PTPRG: variants seen among roughly 807,000 people sequenced by gnomAD.
PTPRG encodes receptor-type tyrosine-protein phosphatase gamma.
Under a neutral mutation model 165.3 loss-of-function variants are expected in PTPRG, and 102 were observed. That is an observed-to-expected ratio of 0.62 (90% CI 0.53 to 0.73). The LOEUF (loss-of-function observed/expected upper bound fraction) is 0.73, where lower values mean the gene tolerates loss of function less well. Ranked by LOEUF, PTPRG falls within the 30% of genes least tolerant of loss-of-function variation. The probability of loss-of-function intolerance (pLI) is 0.00; values close to 1 mark genes in which losing one functional copy is unlikely to be tolerated. For missense variants in PTPRG, 1,866 were observed against 1,861.4 expected (o/e 1.00, Z -0.05); for synonymous variants, 675 against 669.5 (o/e 1.01, Z -0.13).
intron 1 of PTPRG, among the ~76,000 whole-genome samples, chr3:61,595,910 T>A (rs966215493): frequency 2.0e-5 from 3 of 152,200 alleles, no homozygotes; most frequent in Non-Finnish European, 2.9e-5. Flanking sequence ...ACCATTGTGT[T>A]TTTTTAGCAA....
At chr3:62,230,156 C>G (rs149996208) in intron 13 of PTPRG, among the ~76,000 whole-genome samples, 1 of 152,316 alleles carries the variant, frequency 6.6e-6, no homozygotes, top group East Asian at 1.9e-4. Flanking sequence ...CCAAGTTTGA[C>G]TTCTCCAAGT....
At chr3:62,150,161 A>T (rs1456443947) in intron 6 of PTPRG, among the ~76,000 whole-genome samples, 1 of 152,220 alleles carries the variant, frequency 6.6e-6, no homozygotes, top group Admixed American at 6.5e-5. Flanking sequence ...TAAGTTTGCT[A>T]ACAGCTGCAG....
intron 5 of PTPRG, among the ~76,000 whole-genome samples, chr3:62,112,199 G>A (rs1350306226): frequency 2.0e-5 from 3 of 152,130 alleles, no homozygotes; most frequent in Admixed American, 1.3e-4. Flanking sequence ...CTGCCTCCCA[G>A]ATTCAAGTGA....
At chr3:62,242,347 T>C (rs1420738405) in intron 14 of PTPRG, among the ~76,000 whole-genome samples, 3 of 152,224 alleles carry the variant, frequency 2.0e-5, no homozygotes, top group Non-Finnish European at 4.4e-5. Context: ...CTCATTTTTC[T>C]TCAGTGCTCT....
At chr3:61,862,750 A>G (rs926067498) in intron 2 of PTPRG, among the ~76,000 whole-genome samples, 2 of 152,000 alleles carry the variant, frequency 1.3e-5, no homozygotes, top group Non-Finnish European at 2.9e-5. Flanking sequence ...ACTCTTCTGG[A>G]CTTTGTTTTC....
At chr3:62,290,235 A>G (rs996618464) in intron 28 of PTPRG, among the ~76,000 whole-genome samples, 2 of 152,170 alleles carry the variant, frequency 1.3e-5, no homozygotes, top group African/African-American at 4.8e-5. Flanking sequence ...TGGAGAAAAG[A>G]CATTGTGTTC....
chr3:61,741,377 G>A (rs2032977512), intron 1 of PTPRG, among the ~76,000 whole-genome samples: 1 of 152,150 alleles, frequency 6.6e-6, no homozygotes, highest in Admixed American at 6.5e-5. Flanking sequence ...CTGTATATGA[G>A]AACCACCCAC....
Position 62,271,664 on chromosome 3 carries a change from A to G in PTPRG, c.3182+109A>G. On this transcript the variant is annotated intron_variant, in intron 21 of 29. Transcript: ENST00000474889. This position sits in a 1 kb window ranked among gnomAD's most constrained non-coding sequence, Gnocchi z 4.1. Reference sequence around the variant, plus strand: ...CTTTCACTTAGAAGCTGAATCTTCCACTGGAAACTGGGATGGATAAGACCT... The same window carrying G: ...CTTTCACTTAGAAGCTGAATCTTCCGCTGGAAACTGGGATGGATAAGACCT... 1.0e-6 allele frequency: 1 copy of G among 993,794 alleles called. No homozygotes were observed. Among genetic ancestry groups the G allele is most frequent in the Non-Finnish European group, 1.4e-6 (1 of 692,884 alleles). 61.6% of individuals were successfully genotyped at this position (993,794 alleles called of 1,614,324 possible). A position where few individuals can be genotyped will look rare whatever the true frequency, so the allele number is the denominator to read the frequency against.
At chr3:61,819,135 A>G (rs931933441) in intron 2 of PTPRG, among the ~76,000 whole-genome samples, 1 of 152,184 alleles carries the variant, frequency 6.6e-6, no homozygotes, top group South Asian at 2.1e-4. Context: ...CCAAAAAGAC[A>G]ATGGAGTATC....
rs76356386 is a variant in PTPRG, at chr3:61,836,231, T to C, written c.190+87249T>C. ...CTTCTCTTTCCAAACCATTGTTCTT[T>C]GTTTAGGCCTTTGTTATAGAACATA... is the stretch of plus-strand genomic sequence containing the variant. On this transcript the variant is annotated intron_variant, in intron 2 of 29. Transcript: ENST00000474889. 9.2e-5 allele frequency among the ~76,000 whole-genome samples: 14 copies of C among 152,276 alleles called. 1 individual carries two copies. The East Asian group carries it at 2.7e-3, about 29-fold the overall frequency.
chr3:62,101,381 A>G (rs146749717), intron 5 of PTPRG, among the ~76,000 whole-genome samples: 1 of 152,394 alleles, frequency 6.6e-6, no homozygotes, highest in Non-Finnish European at 1.5e-5. Context: ...CCGACAGGCC[A>G]TCACATTGTG....
intron 1 of PTPRG, among the ~76,000 whole-genome samples, chr3:61,620,700 C>T (rs1701424996): frequency 6.6e-6 from 1 of 151,902 alleles, no homozygotes; most frequent in South Asian, 2.1e-4. Context: ...GCGATTTTGG[C>T]TCACTGCAAC....
At chr3:61,674,699 T>C (rs1703163157) in intron 1 of PTPRG, among the ~76,000 whole-genome samples, 1 of 151,976 alleles carries the variant, frequency 6.6e-6, no homozygotes, top group African/African-American at 2.4e-5. Flanking sequence ...CCTTTCTCTT[T>C]GTAACTTTAA....
At chr3:62,151,502 G>A (rs1030597256) in intron 6 of PTPRG, among the ~76,000 whole-genome samples, 1 of 151,654 alleles carries the variant, frequency 6.6e-6, no homozygotes, top group African/African-American at 2.4e-5. Flanking sequence ...TAGCATCGCT[G>A]TTCCTCATCT....
intron 1 of PTPRG, among the ~76,000 whole-genome samples, chr3:61,721,822 CTGGAGATCCAGAAGTAGTG>C (rs918034300): frequency 6.6e-5 from 10 of 152,282 alleles, no homozygotes; most frequent in Admixed American, 1.3e-4. Flanking sequence ...AGTATAAATA[CTGGAGATCCAGAAGTAGTG>C]TATTTCCAGA....
intron 3 of PTPRG, among the ~76,000 whole-genome samples, chr3:62,002,123 G>C (rs2041185310): frequency 6.6e-6 from 1 of 152,146 alleles, no homozygotes; most frequent in African/African-American, 2.4e-5. Flanking sequence ...GCAATAAAAA[G>C]GGATTTATAT....
intron 2 of PTPRG, among the ~76,000 whole-genome samples, chr3:61,806,617 A>G (rs967315951): frequency 6.6e-6 from 1 of 152,166 alleles, no homozygotes; most frequent in Non-Finnish European, 1.5e-5. Flanking sequence ...ATTATCTAAA[A>G]TATGTGATAG....
At chr3:61,851,649 A>G (rs1162501766) in intron 2 of PTPRG, among the ~76,000 whole-genome samples, 1 of 152,364 alleles carries the variant, frequency 6.6e-6, no homozygotes, top group East Asian at 1.9e-4. Flanking sequence ...TACACTTAAC[A>G]TTTAAAGCAC....
In PTPRG at chr3:61,791,290, A is replaced by G. The variant is rs533892426; in HGVS notation, c.190+42308A>G. ...CAATGTATTGTTTCTTAGATTTGTC[A>G]TTTAGGCTTACTCCCACAGAGTCTG... On this transcript the variant is annotated intron_variant, in intron 2 of 29. Coordinates refer to ENST00000474889, the MANE Select transcript of PTPRG (RefSeq NM_002841.4). Among the ~76,000 whole-genome samples, 170 of 152,304 alleles carry G rather than the reference A, an allele frequency of 1.1e-3. 1 individual carries two copies. The highest frequency in any genetic ancestry group is 3.8e-3 in the African/African-American group (156 of 41,574).
Sources: gnomAD v4.1 joint callset for allele counts (sites outside exome capture counted in the v4.1 genomes callset) on GRCh38, gnomAD v4.1.1 for gene constraint, Gnocchi (gnomAD v3.1) non-coding constraint, MANE v1.5 for transcripts, NCBI Gene and HGNC (gene_info 2026-07-23, HGNC 2026-07-21) for gene names.